PSME3IP1: variants seen among roughly 807,000 people sequenced by gnomAD.
PSME3IP1 encodes the protein PSME3-interacting protein.
A neutral mutation model predicts 34.1 loss-of-function variants in PSME3IP1; 13 were observed. That is an observed-to-expected ratio of 0.38 (90% CI 0.25 to 0.61). PSME3IP1 has a LOEUF of 0.61. PSME3IP1 is among the 20% of genes least tolerant of loss of function. The pLI is 0.60. For missense variants in PSME3IP1, 237 were observed against 301.4 expected (o/e 0.79, Z 1.58); for synonymous variants, 93 against 114.3 (o/e 0.81, Z 1.19).
intron 1 of PSME3IP1, among the ~76,000 whole-genome samples, chr16:57,177,066 G>C (rs959272885): frequency 6.6e-6 from 1 of 152,040 alleles, no homozygotes; most frequent in African/African-American, 2.4e-5. Context: ...TGTTGGCCAG[G>C]CTGGTCTCGA....
At chr16:57,179,081 T>G (rs923935765) in intron 1 of PSME3IP1, among the ~76,000 whole-genome samples, 1 of 152,258 alleles carries the variant, frequency 6.6e-6, no homozygotes, top group Non-Finnish European at 1.5e-5. Flanking sequence ...CCTGTAGGAA[T>G]GCAGAGGACT....
intron 5 of PSME3IP1, among the ~76,000 whole-genome samples, chr16:57,164,800 G>A (rs2145625426): frequency 6.6e-6 from 1 of 152,276 alleles, no homozygotes; most frequent in African/African-American, 2.4e-5. Flanking sequence ...GGGAGGCCAA[G>A]ACGGACGGAT....
intron 5 of PSME3IP1, among the ~76,000 whole-genome samples, chr16:57,166,418 T>C (rs749649739): frequency 1.3e-4 from 20 of 152,234 alleles, no homozygotes; most frequent in Non-Finnish European, 2.9e-4. Context: ...TCTGTAACCC[T>C]GCCAGGGCTG....
intron 1 of PSME3IP1, chr16:57,174,671 T>C: frequency 2.0e-6 from 2 of 985,452 alleles, no homozygotes; most frequent in Non-Finnish European, 2.4e-6. Flanking sequence ...TATTGAAGAC[T>C]TAGTGTTCAA....
In PSME3IP1 at chr16:57,172,908, G is replaced by A. The variant is rs561772105; in HGVS notation, c.128-34C>T. ...AAAAGGAGAGGGGAGAGAGGTGGAC[G>A]GGGAGGAGATATACACTTCAGATTG... On this transcript the variant is annotated intron_variant, in intron 2 of 6. Coordinates refer to ENST00000309137, the MANE Select transcript of PSME3IP1 (RefSeq NM_024946.4). The A allele has an allele frequency of 3.8e-5, 50 of 1,312,008 alleles. No homozygotes were observed. In the Admixed American group the frequency reaches 4.5e-4, roughly 12 times the overall value. 81.3% of individuals were successfully genotyped at this position (1,312,008 alleles called of 1,614,324 possible).
At chr16:57,156,597 C>T (rs534817244) in intron 6 of PSME3IP1, among the ~76,000 whole-genome samples, 78 of 152,008 alleles carry the variant, frequency 5.1e-4, no homozygotes, top group African/African-American at 1.8e-3. Context: ...AAATGAAAGC[C>T]GACAGTGGCT....
chr16:57,164,008 C>T lies in PSME3IP1; in HGVS notation c.540G>A (p.Lys180=), dbSNP rs764924110. 16 of 1,614,022 alleles carry T rather than the reference C, an allele frequency of 9.9e-6. 1 individual carries two copies. Among genetic ancestry groups the T allele is most frequent in the Admixed American group, 3.3e-5 (2 of 59,992 alleles). ...ATGAAGGCTGCCACCCACCTTGATTCTTGTCATCTGGCTCAGGGTCCGGTT... is the reference window on the plus strand; with the variant it reads ...ATGAAGGCTGCCACCCACCTTGATTTTTGTCATCTGGCTCAGGGTCCGGTT... ...RLKPDPEPDD[K]NQEPSSCKSL... is the part of the protein sequence containing the mutation. Residue 180 remains lysine (K), a synonymous_variant, in exon 6 of 7, where the codon AAG becomes AAA. Coordinates refer to ENST00000309137, the MANE Select transcript of PSME3IP1 (RefSeq NM_024946.4).
At chr16:57,182,691 C>A (rs1456710664) in intron 1 of PSME3IP1, among the ~76,000 whole-genome samples, 1 of 145,344 alleles carries the variant, frequency 6.9e-6, no homozygotes, top group Non-Finnish European at 1.5e-5. Context: ...AGGTGGATCA[C>A]CTGAGGTCAG....
chr16:57,172,178 G>C lies in PSME3IP1; in HGVS notation c.348+73C>G, dbSNP rs1051113220. On this transcript the variant is annotated intron_variant, in intron 4 of 6. Coordinates refer to ENST00000309137, the MANE Select transcript of PSME3IP1 (RefSeq NM_024946.4). Reference sequence around the variant, plus strand: ...GGTAGAAAACCCTCTTTCTGTTGATGAGGAGACAACATCCATAGATGCTGA... The same window carrying C: ...GGTAGAAAACCCTCTTTCTGTTGATCAGGAGACAACATCCATAGATGCTGA... 2.6e-6 allele frequency: 4 copies of C among 1,527,092 alleles called. No individual in the cohort carries two copies. In the East Asian group the frequency reaches 9.1e-5, roughly 35 times the overall value. 94.6% of individuals were successfully genotyped at this position (1,527,092 alleles called of 1,614,324 possible).
intron 6 of PSME3IP1, among the ~76,000 whole-genome samples, chr16:57,162,181 C>T (rs2071332464): frequency 6.6e-6 from 1 of 152,136 alleles, no homozygotes; most frequent in African/African-American, 2.4e-5. Context: ...GGATTATAGG[C>T]ATGAGCCACT....
At chr16:57,170,363 G>A (rs2072425861) in intron 4 of PSME3IP1, among the ~76,000 whole-genome samples, 2 of 152,180 alleles carry the variant, frequency 1.3e-5, no homozygotes, top group Admixed American at 6.5e-5. Flanking sequence ...AATCAAAGGC[G>A]TGAGCCACTG....
intron 6 of PSME3IP1, among the ~76,000 whole-genome samples, chr16:57,160,151 G>A (rs71387154): frequency 0.011 from 1,729 of 152,050 alleles, 11 homozygotes; most frequent in Non-Finnish European, 0.019. Context: ...TTAGCCGGGC[G>A]CGGTGGCGGG....
chr16:57,181,380 G>GAA (rs1357903319), intron 1 of PSME3IP1, among the ~76,000 whole-genome samples: 12 of 147,936 alleles, frequency 8.1e-5, no homozygotes, highest in African/African-American at 3.0e-4. Flanking sequence ...AGGATATAGA[G>GAA]AAAAAAAAAA....
chr16:57,182,078 A>G (rs1333826522), intron 1 of PSME3IP1, among the ~76,000 whole-genome samples: 1 of 152,166 alleles, frequency 6.6e-6, no homozygotes, highest in Non-Finnish European at 1.5e-5. Flanking sequence ...TGGGTCTTTC[A>G]AGTGACCAGC....
intron 6 of PSME3IP1, among the ~76,000 whole-genome samples, chr16:57,155,044 A>G (rs2070353872): frequency 6.6e-6 from 1 of 152,262 alleles, no homozygotes; most frequent in Non-Finnish European, 1.5e-5. Flanking sequence ...ACATTTTAAA[A>G]AATCGGGTAG....
At chr16:57,155,424 A>C (rs2070401786) in intron 6 of PSME3IP1, among the ~76,000 whole-genome samples, 1 of 152,060 alleles carries the variant, frequency 6.6e-6, no homozygotes, top group Non-Finnish European at 1.5e-5. Flanking sequence ...GGAGTTTAAG[A>C]CCAGCCTGGG....
chr16:57,160,354 C>A (rs1597599387), intron 6 of PSME3IP1, among the ~76,000 whole-genome samples: 1 of 151,632 alleles, frequency 6.6e-6, no homozygotes, highest in Admixed American at 6.6e-5. Flanking sequence ...TGTGTATACA[C>A]ATATACAGTA....
At chr16:57,179,604 C>A (rs1045374801) in intron 1 of PSME3IP1, among the ~76,000 whole-genome samples, 1 of 152,190 alleles carries the variant, frequency 6.6e-6, no homozygotes, top group Non-Finnish European at 1.5e-5. Flanking sequence ...GTAATGAGAT[C>A]TGGTTTCCTA....
At chr16:57,183,687 C>T (rs1485455079) in intron 1 of PSME3IP1, among the ~76,000 whole-genome samples, 1 of 152,262 alleles carries the variant, frequency 6.6e-6, no homozygotes, top group East Asian at 1.9e-4. Context: ...AATTTGGACA[C>T]AATCTAGAAG....
Sources: allele counts gnomAD v4.1 joint callset (sites outside exome capture counted in the v4.1 genomes callset), GRCh38; gene constraint gnomAD v4.1.1; transcripts MANE v1.5; gene names NCBI Gene and HGNC (gene_info 2026-07-23, HGNC 2026-07-21).